The following JHY variants were observed in gnomAD, a reference collection of about 807,000 sequenced individuals.
JHY encodes jhy protein homolog.
In JHY, 69 loss-of-function variants were observed where a neutral mutation model predicts 78.0. The observed-to-expected ratio is 0.88, with a 90% confidence interval of 0.73 to 1.08. The LOEUF is 1.08. Ranked by LOEUF, JHY falls within the 50% of genes least tolerant of loss-of-function variation. The pLI is 0.00. For missense variants in JHY, 944 were observed against 927.8 expected, an observed-to-expected ratio of 1.02 and a Z score of -0.23; for synonymous variants, 368 against 342.6, an observed-to-expected ratio of 1.07 and a Z score of -0.82.
At chr11:122,930,499 G>A (rs1055208939) in intron 4 of JHY, among the ~76,000 whole-genome samples, 2 of 152,142 alleles carry the variant, frequency 1.3e-5, no homozygotes, top group East Asian at 1.9e-4. Flanking sequence ...GAGAAAGGGC[G>A]AGAAAAGAGA....
intron 3 of JHY, among the ~76,000 whole-genome samples, chr11:122,906,895 T>A (rs554355327): frequency 2.0e-5 from 3 of 152,246 alleles, no homozygotes; most frequent in Non-Finnish European, 4.4e-5. Flanking sequence ...AGTTCAAATA[T>A]CTAAAGGCTA....
chr11:122,911,905 C>CAAAAAAAAAAAAA (rs59941995), intron 3 of JHY, among the ~76,000 whole-genome samples: 5 of 49,720 alleles, frequency 1.0e-4, no homozygotes, highest in Non-Finnish European at 1.7e-4. Flanking sequence ...AACTCTGTCT[C>CAAAAAAAAAAAAA]AAAAAAAAAA....
chr11:122,912,313 G>A (rs1159000872), intron 3 of JHY, among the ~76,000 whole-genome samples: 1 of 151,256 alleles, frequency 6.6e-6, no homozygotes, highest in Admixed American at 6.6e-5. Flanking sequence ...AGGTTAAACT[G>A]GGATGTCTAG....
chr11:122,918,912 G>T (rs1314354776), intron 3 of JHY, among the ~76,000 whole-genome samples: 1 of 152,058 alleles, frequency 6.6e-6, no homozygotes, highest in Non-Finnish European at 1.5e-5. Context: ...AGTTACCAGG[G>T]TGATACTTGT....
At position 122,950,867 on chromosome 11, in the gene JHY, A is replaced by G. The variant is rs1252941064; in HGVS notation, c.1929+4075A>G. ...ATTTGCAATTGCTGCCTTCCCAGCC[A>G]TCTTTCCAACTGGGGACATCCCCCT... On this transcript the variant is annotated intron_variant, in intron 6 of 8. Transcript: ENST00000227349. Among the ~76,000 whole-genome samples the G allele has an allele frequency of 2.0e-5, 3 of 152,222 alleles. No homozygotes were observed. The South Asian group carries it at 6.2e-4, about 32-fold the overall frequency.
At position 122,898,255 on chromosome 11, in the gene JHY, C is replaced by A. The variant is rs563582641; in HGVS notation, c.345-5670C>A. ...GAGGTGTTCCATGCTTATCTGTTGA[C>A]CGACTGATCCATTCGCTGATTCACA... On this transcript the variant is annotated intron_variant, in intron 2 of 8. Coordinates refer to ENST00000227349, the MANE Select transcript of JHY (RefSeq NM_024806.4). This position sits in a 1 kb window ranked among gnomAD's most constrained non-coding sequence, Gnocchi z 4.4. Among the ~76,000 whole-genome samples the A allele has an allele frequency of 6.6e-6, 1 of 152,242 alleles. No homozygotes were observed. Among genetic ancestry groups the A allele is most frequent in the East Asian group, 1.9e-4 (1 of 5,170 alleles).
In JHY at chr11:122,946,738, C is replaced by CA; in HGVS notation, c.1875_1876insA (p.Tyr626IlefsTer12). The CA allele has an allele frequency of 6.2e-7, 1 of 1,613,848 alleles. No individual in the cohort carries two copies. The highest frequency in any genetic ancestry group is 8.5e-7 in the Non-Finnish European group (1 of 1,179,928). On this transcript the variant is annotated frameshift_variant, in exon 6 of 9. Coordinates refer to ENST00000227349, the MANE Select transcript of JHY (RefSeq NM_024806.4). LOFTEE classifies it high-confidence loss of function. ...AAATTAGCCGTAGCAATTCTGAAGGCTATCTGTTTCAACTGGAAAAGGGAA... is the reference window on the plus strand; with the variant it reads ...AAATTAGCCGTAGCAATTCTGAAGGCATATCTGTTTCAACTGGAAAAGGGAA...
At chr11:122,958,583 A>G (rs1864240966) in intron 8 of JHY, 2 of 317,634 alleles carry the variant, frequency 6.3e-6, no homozygotes, top group South Asian at 2.5e-4. Context: ...AAAGCATACA[A>G]TCCATTTGTA....
At chr11:122,887,904 C>T (rs1363195076) in intron 2 of JHY, among the ~76,000 whole-genome samples, 2 of 152,164 alleles carry the variant, frequency 1.3e-5, no homozygotes, top group Non-Finnish European at 2.9e-5. Context: ...CATCCTACCA[C>T]AGATGAGGAT....
chr11:122,893,674 C>T (rs1862673892), intron 2 of JHY, among the ~76,000 whole-genome samples: 1 of 151,974 alleles, frequency 6.6e-6, no homozygotes, highest in Non-Finnish European at 1.5e-5. Context: ...ATTTCTACTC[C>T]CTGACAAGTT....
chr11:122,900,511 C>CTTTTTTTTTTT lies in JHY; in HGVS notation c.345-3401_345-3391dup, dbSNP rs374998954. On this transcript the variant is annotated intron_variant, in intron 2 of 8. Transcript: ENST00000227349. ...GCCATTAAATATGCCATACTACCAG[C>CTTTTTTTTTTT]TTTTTTTTTTTTTTTTTTTTTTTGG... Among the ~76,000 whole-genome samples the CTTTTTTTTTTT allele has an allele frequency of 7.7e-5, 5 of 65,090 alleles. 1 individual carries two copies. The highest frequency in any genetic ancestry group is 6.0e-5 in the African/African-American group (1 of 16,738). The allele number at this position is 65,090 out of a possible 152,430, so 42.7% of individuals were successfully genotyped here.
intron 3 of JHY, among the ~76,000 whole-genome samples, chr11:122,914,010 G>A (rs1863184202): frequency 6.6e-6 from 1 of 152,180 alleles, no homozygotes. Flanking sequence ...GACCTGATTT[G>A]AGTCCCATTT....
At chr11:122,905,462 T>C (rs1862968488) in intron 3 of JHY, 2 of 1,299,720 alleles carry the variant, frequency 1.5e-6, no homozygotes, top group African/African-American at 1.5e-5. Flanking sequence ...ACTGGTATTT[T>C]TTTTTAACAT....
chr11:122,948,874 A>G (rs1864024558), intron 6 of JHY, among the ~76,000 whole-genome samples: 1 of 152,082 alleles, frequency 6.6e-6, no homozygotes, highest in Non-Finnish European at 1.5e-5. Context: ...TCACAAGGCC[A>G]GGAGTTTGAG....
Position 122,922,784 on chromosome 11 carries a change from T to C in JHY, c.865-2113T>C, listed in dbSNP as rs991560712. Reference sequence around the variant, plus strand: ...GAGATTGTGCCACTGCACTCCAGCCTGGGCAACAGAGCGAGACTCCGTCTC... The same window carrying C: ...GAGATTGTGCCACTGCACTCCAGCCCGGGCAACAGAGCGAGACTCCGTCTC... On this transcript the variant is annotated intron_variant, in intron 3 of 8. Transcript: ENST00000227349. Among the ~76,000 whole-genome samples, 7 of 123,486 alleles carry C rather than the reference T, an allele frequency of 5.7e-5. No homozygotes were observed. In the Admixed American group the frequency reaches 6.9e-4, roughly 12 times the overall value. 81.0% of individuals were successfully genotyped at this position (123,486 alleles called of 152,430 possible). A position where few individuals can be genotyped will look rare whatever the true frequency, so the allele number is the denominator to read the frequency against.
In JHY at chr11:122,959,487, G is replaced by A. The variant is rs79845444; in HGVS notation, c.*42G>A. ...AGGAGACCAAAAATGGTCCAGGAAT[G>A]AACGTGGAGAAAAGAAACGCCAACC... On this transcript the variant is annotated 3_prime_UTR_variant, in exon 9 of 9. Transcript: ENST00000227349. 453 of 1,578,378 alleles carry A rather than the reference G, an allele frequency of 2.9e-4. 4 individuals carry two copies. The East Asian group carries it at 9.6e-3, about 33-fold the overall frequency.
rs550783093 is a variant in JHY, at chr11:122,898,541, G to T, written c.345-5384G>T. ...TCCCTAGATCATCAAACAGTAACAC[G>T]TGCTCCCTTTCCACATCCCACTCCT... On this transcript the variant is annotated intron_variant, in intron 2 of 8. Transcript: ENST00000227349. This position sits in a 1 kb window ranked among gnomAD's most constrained non-coding sequence, Gnocchi z 4.4. 6.6e-6 allele frequency among the ~76,000 whole-genome samples: 1 copy of T among 152,032 alleles called. No homozygotes were observed. The highest frequency in any genetic ancestry group is 1.5e-5 in the Non-Finnish European group (1 of 68,006).
At chr11:122,905,314 G>C in intron 3 of JHY, 2 of 1,593,480 alleles carry the variant, frequency 1.3e-6, no homozygotes, top group Non-Finnish European at 1.7e-6. Flanking sequence ...GACAAGAGTG[G>C]GGTTAGAATG....
Position 122,963,030 on chromosome 11 carries a change from C to T in JHY, c.*3585C>T, listed in dbSNP as rs747092452. ...GTTCAATTTTTAGAAATATGCATTA[C>T]TATGTACCTAATAGTTTTTTAGCAT... On this transcript the variant is annotated 3_prime_UTR_variant, in exon 9 of 9. Transcript: ENST00000227349. Among the ~76,000 whole-genome samples the T allele has an allele frequency of 3.8e-5, 5 of 132,062 alleles. No homozygotes were observed. The highest frequency in any genetic ancestry group is 1.1e-4 in the African/African-American group (4 of 37,606). 86.6% of individuals were successfully genotyped at this position (132,062 alleles called of 152,430 possible). A position where few individuals can be genotyped will look rare whatever the true frequency, so the allele number is the denominator to read the frequency against.
Sources: gnomAD v4.1 joint callset for allele counts (sites outside exome capture counted in the v4.1 genomes callset) on GRCh38, gnomAD v4.1.1 for gene constraint, Gnocchi (gnomAD v3.1) non-coding constraint, MANE v1.5 for transcripts, NCBI Gene and HGNC (gene_info 2026-07-23, HGNC 2026-07-21) for gene names.